The following DMRT1 variants were observed in gnomAD, a reference collection of about 807,000 sequenced individuals.
DMRT1 encodes doublesex- and mab-3-related transcription factor 1.
Under a neutral mutation model 32.3 loss-of-function variants are expected in DMRT1, and 7 were observed. The observed-to-expected ratio is 0.22, with a 90% CI of 0.12 to 0.41. DMRT1 has a LOEUF of 0.41. DMRT1 is among the 10% of genes least tolerant of loss of function. DMRT1 has a pLI of 1.00. For synonymous variants in DMRT1, 278 were observed against 206.1 expected (o/e 1.35, Z -2.99); for missense variants, 625 against 500.5 (o/e 1.25, Z -2.37).
chr9:924,388 G>A (rs1057193818), intron 4 of DMRT1, among the ~76,000 whole-genome samples: 1 of 152,100 alleles, frequency 6.6e-6, no homozygotes, highest in Non-Finnish European at 1.5e-5. Flanking sequence ...ATCCCTTAGA[G>A]CTTCAGTTAC....
chr9:941,347 T>C (rs992092297), intron 4 of DMRT1, among the ~76,000 whole-genome samples: 1 of 95,866 alleles, frequency 1.0e-5, no homozygotes, highest in Non-Finnish European at 1.9e-5. Context: ...CCCACACATA[T>C]GCAATGGAAT....
chr9:930,884 A>G (rs1267317070), intron 4 of DMRT1, among the ~76,000 whole-genome samples: 2 of 152,126 alleles, frequency 1.3e-5, no homozygotes, highest in African/African-American at 4.8e-5. Context: ...TAACTCATAT[A>G]CCATAAAATT....
At chr9:853,348 G>T (rs571541996) in intron 2 of DMRT1, among the ~76,000 whole-genome samples, 1 of 152,126 alleles carries the variant, frequency 6.6e-6, no homozygotes, top group East Asian at 1.9e-4. Context: ...GTCCATTATA[G>T]TATTCACAGC....
intron 2 of DMRT1, among the ~76,000 whole-genome samples, chr9:879,336 C>A (rs1816638532): frequency 6.6e-6 from 1 of 151,918 alleles, no homozygotes; most frequent in South Asian, 2.1e-4. Flanking sequence ...AACTCATTAC[C>A]TCTTAGCATA....
intron 1 of DMRT1, among the ~76,000 whole-genome samples, chr9:845,795 C>G (rs1458918026): frequency 1.3e-5 from 2 of 152,180 alleles, no homozygotes; most frequent in Non-Finnish European, 2.9e-5. Flanking sequence ...CCTGCCCACC[C>G]TGTTCCATAT....
At chr9:883,907 C>G (rs1186211240) in intron 2 of DMRT1, among the ~76,000 whole-genome samples, 1 of 152,030 alleles carries the variant, frequency 6.6e-6, no homozygotes, top group Non-Finnish European at 1.5e-5. Flanking sequence ...AATAATTTTG[C>G]CTGACTGGTA....
chr9:854,124 T>TA (rs34951773), intron 2 of DMRT1, among the ~76,000 whole-genome samples: 7 of 149,552 alleles, frequency 4.7e-5, no homozygotes, highest in Admixed American at 3.3e-4. Context: ...TTTTTTTTTT[T>TA]AATTTTTCAA....
intron 3 of DMRT1, among the ~76,000 whole-genome samples, chr9:915,534 T>A (rs1375293681): frequency 6.6e-6 from 1 of 152,026 alleles, no homozygotes. Flanking sequence ...CCTTACTGCC[T>A]TCCGAGTTTT....
At chr9:904,604 A>T (rs1410753465) in intron 3 of DMRT1, among the ~76,000 whole-genome samples, 1 of 152,096 alleles carries the variant, frequency 6.6e-6, no homozygotes, top group Non-Finnish European at 1.5e-5. Context: ...TGTGCTAGAG[A>T]CTCTCAAGTA....
At chr9:894,644 C>A in intron 3 of DMRT1, 1 of 269,374 alleles carries the variant, frequency 3.7e-6, no homozygotes, top group Non-Finnish European at 7.2e-6. Flanking sequence ...CAGTAATCTG[C>A]GTGATGAATT....
chr9:964,500 C>CAA (rs149257270), intron 4 of DMRT1, among the ~76,000 whole-genome samples: 1,968 of 152,140 alleles, frequency 0.013, 26 homozygotes, highest in Non-Finnish European at 0.019. Context: ...GGCAAGTTTT[C>CAA]CTTTTTTCTT....
chr9:934,890 A>G (rs1424249115), intron 4 of DMRT1, among the ~76,000 whole-genome samples: 1 of 152,178 alleles, frequency 6.6e-6, no homozygotes, highest in African/African-American at 2.4e-5. Flanking sequence ...GCACAAGCCT[A>G]TAAAATCGGC....
chr9:962,576 T>C (rs1819809756), intron 4 of DMRT1, among the ~76,000 whole-genome samples: 1 of 141,656 alleles, frequency 7.1e-6, no homozygotes, highest in Non-Finnish European at 1.5e-5. Context: ...GAGGTGGCAC[T>C]GGGGACCCAC....
intron 4 of DMRT1, among the ~76,000 whole-genome samples, chr9:925,660 T>G (rs924510612): frequency 1.3e-5 from 2 of 152,326 alleles, no homozygotes; most frequent in South Asian, 4.1e-4. Context: ...ATTTCCTTCC[T>G]TTTCTTTTTC....
At chr9:863,761 A>G (rs1417230145) in intron 2 of DMRT1, among the ~76,000 whole-genome samples, 2 of 152,222 alleles carry the variant, frequency 1.3e-5, no homozygotes, top group African/African-American at 2.4e-5. Context: ...AAAGATGACT[A>G]ATGCAACTGG....
chr9:920,376 G>A (rs769010216), intron 4 of DMRT1, among the ~76,000 whole-genome samples: 22 of 152,232 alleles, frequency 1.4e-4, no homozygotes, highest in Non-Finnish European at 2.6e-4. Flanking sequence ...GTGTGTGAGC[G>A]GTGCCTTAGA....
intron 4 of DMRT1, among the ~76,000 whole-genome samples, chr9:927,349 G>A (rs888673849): frequency 5.9e-5 from 9 of 152,230 alleles, no homozygotes; most frequent in Admixed American, 5.2e-4. Flanking sequence ...GCGGTGAAGT[G>A]TTCTTCATAA....
chr9:946,631 G>T (rs1819255551), intron 4 of DMRT1, among the ~76,000 whole-genome samples: 1 of 152,158 alleles, frequency 6.6e-6, no homozygotes, highest in Non-Finnish European at 1.5e-5. Flanking sequence ...AGAGGTTCCG[G>T]TAAAGAGCCT....
At chr9:900,778 G>C (rs1348717879) in intron 3 of DMRT1, among the ~76,000 whole-genome samples, 2 of 151,534 alleles carry the variant, frequency 1.3e-5, no homozygotes, top group Admixed American at 1.3e-4. Flanking sequence ...TCCAACTCCT[G>C]GGTTCGAGTG....
Sources: allele counts gnomAD v4.1 joint callset (sites outside exome capture counted in the v4.1 genomes callset), GRCh38; gene constraint gnomAD v4.1.1; transcripts MANE v1.5; gene names NCBI Gene and HGNC (gene_info 2026-07-23, HGNC 2026-07-21).